Variants in VEGFC observed in about 807,000 individuals in gnomAD.
VEGFC encodes the protein FLT4 ligand DHM.
In VEGFC, 12 loss-of-function variants were observed where a neutral mutation model predicts 46.1. That is an observed-to-expected ratio of 0.26 (90% CI 0.17 to 0.42). The LOEUF (loss-of-function observed/expected upper bound fraction) is 0.42. Among genes scored for constraint, VEGFC ranks in the 10% least tolerant of loss-of-function variants. The probability of loss-of-function intolerance (pLI) is 1.00; values close to 1 mark genes in which losing one functional copy is unlikely to be tolerated. For synonymous variants in VEGFC, 232 were observed against 195.5 expected (o/e 1.19, Z -1.56); for missense variants, 488 against 529.4 (o/e 0.92, Z 0.77).
At chr4:176,745,128 GGGACTT>G (rs1735239410) in intron 1 of VEGFC, among the ~76,000 whole-genome samples, 1 of 151,996 alleles carries the variant, frequency 6.6e-6, no homozygotes, top group Non-Finnish European at 1.5e-5. Flanking sequence ...CTTATCCTTA[GGGACTT>G]CCAAGCTTTA....
chr4:176,776,103 A>G (rs1312754460), intron 1 of VEGFC, among the ~76,000 whole-genome samples: 2 of 152,250 alleles, frequency 1.3e-5, no homozygotes, highest in East Asian at 3.8e-4. Flanking sequence ...TCATGATAGT[A>G]CAACTTTGGA....
rs766283110 is a variant in VEGFC at position 176,711,512 on chromosome 4, C to T, written c.691G>A (p.Ala231Thr). 1.2e-6 allele frequency: 2 copies of T among 1,612,044 alleles called. No individual in the cohort carries two copies. Among genetic ancestry groups the T allele is most frequent in the Non-Finnish European group, 8.5e-7 (1 of 1,178,928 alleles). Residue 231 changes from alanine to threonine, a missense_variant, in exon 4 of 7, where the codon GCA becomes ACA. Physicochemically the swap from Ala to Thr is moderately conservative, Grantham distance 58. Coordinates refer to ENST00000618562, the MANE Select transcript of VEGFC (RefSeq NM_005429.5). ...VHSIIRRSLP[A>T]TLPQCQAANK... is the part of the protein sequence containing the mutation. ...ATTCATACTCACTGTGGTAGTGTTG[C>T]TGGCAGGGAACGTCTAATAATGGAA...
At chr4:176,731,448 C>T (rs1023148596) in intron 1 of VEGFC, among the ~76,000 whole-genome samples, 13 of 151,774 alleles carry the variant, frequency 8.6e-5, no homozygotes, top group African/African-American at 3.1e-4. Flanking sequence ...TAAATATATA[C>T]CATTTTTATT....
chr4:176,762,836 G>C (rs747340679), intron 1 of VEGFC, among the ~76,000 whole-genome samples: 5 of 152,200 alleles, frequency 3.3e-5, no homozygotes, highest in Admixed American at 3.3e-4. Flanking sequence ...CCTGGGCTTT[G>C]AACTTGACAG....
At position 176,792,524 on chromosome 4, in the gene VEGFC, C is replaced by T; in HGVS notation, c.-213G>A. On this transcript the variant is annotated 5_prime_UTR_variant, in exon 1 of 7. Transcript: ENST00000618562. The surrounding 1 kb of genome is among the most constrained non-coding windows in gnomAD (Gnocchi z 6.3). ...CCTCCCAGCCAGTGCCGGGGAAAGG[C>T]GGCGGGTGTCAGGTAAAAGCCTCAC... is the stretch of plus-strand genomic sequence containing the variant. The T allele has an allele frequency of 2.5e-6, 1 of 399,692 alleles. No individual in the cohort carries two copies. The highest frequency in any genetic ancestry group is 4.4e-6 in the Non-Finnish European group (1 of 227,810). 24.8% of individuals were successfully genotyped at this position (399,692 alleles called of 1,614,324 possible). A position where few individuals can be genotyped will look rare whatever the true frequency, so the allele number is the denominator to read the frequency against.
At chr4:176,751,948 T>C (rs536271321) in intron 1 of VEGFC, among the ~76,000 whole-genome samples, 8 of 151,962 alleles carry the variant, frequency 5.3e-5, no homozygotes, top group Middle Eastern at 6.8e-3. Context: ...TCCTCCTCTG[T>C]ATATTTGGAA....
chr4:176,771,502 A>G (rs1455723559), intron 1 of VEGFC, among the ~76,000 whole-genome samples: 1 of 152,236 alleles, frequency 6.6e-6, no homozygotes, highest in Non-Finnish European at 1.5e-5. Context: ...GAAATAACAG[A>G]GGACTGTATC....
rs564917935 is a variant in VEGFC, at chr4:176,688,932, G to C, written c.705-1005C>G. ...AGATCAGAAGTGTTTAGTGCCATCA[G>C]ATCACATTACTACTAGACCTTTTCA... On this transcript the variant is annotated intron_variant, in intron 4 of 6. Transcript: ENST00000618562. Among the ~76,000 whole-genome samples, 25 of 152,294 alleles carry C rather than the reference G, an allele frequency of 1.6e-4. No homozygotes were observed. The South Asian group carries it at 4.1e-3, about 25-fold the overall frequency.
At chr4:176,770,206 A>C (rs1346645267) in intron 1 of VEGFC, among the ~76,000 whole-genome samples, 3 of 152,214 alleles carry the variant, frequency 2.0e-5, no homozygotes, top group African/African-American at 7.2e-5. Context: ...CTACATTAGT[A>C]AAAACCAGGC....
intron 1 of VEGFC, among the ~76,000 whole-genome samples, chr4:176,790,495 T>C (rs1315721842): frequency 6.6e-6 from 1 of 150,824 alleles, no homozygotes; most frequent in East Asian, 2.0e-4. Flanking sequence ...TTAACTTTTT[T>C]AATCCTCCAA....
intron 1 of VEGFC, among the ~76,000 whole-genome samples, chr4:176,776,397 T>A (rs2110936002): frequency 6.6e-6 from 1 of 152,334 alleles, no homozygotes; most frequent in South Asian, 2.1e-4. Context: ...TTTTTCTTCG[T>A]TTTTTAAACT....
At chr4:176,711,355 T>A in intron 4 of VEGFC, 144 bp downstream of exon 4, 1 of 934,138 alleles carries the variant, frequency 1.1e-6, no homozygotes. Context: ...TTGTATACTA[T>A]ACAAAATTTT....
At chr4:176,757,493 G>A (rs533525483) in intron 1 of VEGFC, among the ~76,000 whole-genome samples, 2 of 151,936 alleles carry the variant, frequency 1.3e-5, no homozygotes, top group East Asian at 3.9e-4. Flanking sequence ...ATAATAGAAA[G>A]CAAGACTCAT....
At chr4:176,690,688 T>TA (rs1043089416) in intron 4 of VEGFC, among the ~76,000 whole-genome samples, 1 of 152,230 alleles carries the variant, frequency 6.6e-6, no homozygotes, top group African/African-American at 2.4e-5. Context: ...TGATACAACT[T>TA]ATATTAAGTT....
intron 1 of VEGFC, among the ~76,000 whole-genome samples, chr4:176,730,281 A>C (rs994204942): frequency 1.3e-5 from 2 of 152,146 alleles, no homozygotes; most frequent in Non-Finnish European, 2.9e-5. Flanking sequence ...TTTTGGCAGA[A>C]TCTCTCAATA....
chr4:176,707,053 TTGTG>T (rs1734547605), intron 4 of VEGFC, among the ~76,000 whole-genome samples: 1 of 152,318 alleles, frequency 6.6e-6, no homozygotes, highest in East Asian at 1.9e-4. Context: ...TTTTATGTTC[TTGTG>T]TGTATCAGTA....
chr4:176,787,672 C>A (rs914986280), intron 1 of VEGFC, among the ~76,000 whole-genome samples: 3 of 151,818 alleles, frequency 2.0e-5, no homozygotes, highest in African/African-American at 7.3e-5. Context: ...TAAAAACAGT[C>A]TCTGCTTTCT....
In VEGFC at chr4:176,779,204, C is replaced by T. The variant is rs141117153; in HGVS notation, c.147+12961G>A. Among the ~76,000 whole-genome samples, 11 of 152,068 alleles carry T rather than the reference C, an allele frequency of 7.2e-5. No individual in the cohort carries two copies. In the East Asian group the frequency reaches 1.4e-3, roughly 19 times the overall value. ...AATTAGAGATGAAAAGACAACAGAGCTGATAGAACCTGATTTTCCAAAAGA... is the reference window on the plus strand; with the variant it reads ...AATTAGAGATGAAAAGACAACAGAGTTGATAGAACCTGATTTTCCAAAAGA... On this transcript the variant is annotated intron_variant, in intron 1 of 6. Coordinates refer to ENST00000618562, the MANE Select transcript of VEGFC (RefSeq NM_005429.5).
chr4:176,731,432 A>G (rs866603623), intron 1 of VEGFC, among the ~76,000 whole-genome samples: 2 of 152,042 alleles, frequency 1.3e-5, no homozygotes, highest in Non-Finnish European at 2.9e-5. Context: ...ATCGCATCAC[A>G]TACCTTAAAT....
Sources: gnomAD v4.1 joint callset for allele counts (sites outside exome capture counted in the v4.1 genomes callset) on GRCh38, gnomAD v4.1.1 for gene constraint, Gnocchi (gnomAD v3.1) non-coding constraint, MANE v1.5 for transcripts, NCBI Gene and HGNC (gene_info 2026-07-23, HGNC 2026-07-21) for gene names.